The following PDE4D variants were observed in gnomAD, a reference collection of about 807,000 sequenced individuals.
The protein encoded by PDE4D is phosphodiesterase 4D.
Under a neutral mutation model 87.4 loss-of-function variants are expected in PDE4D, and 24 were observed. That is an observed-to-expected ratio of 0.27 (90% CI 0.20 to 0.39). The LOEUF (loss-of-function observed/expected upper bound fraction) is 0.39. Ranked by LOEUF, PDE4D falls within the 10% of genes least tolerant of loss-of-function variation. PDE4D has a pLI of 1.00. For synonymous variants in PDE4D, 384 were observed against 383.2 expected (o/e 1.00, Z -0.02); for missense variants, 714 against 1,041.0 (o/e 0.69, Z 4.32).
chr5:59,931,505 G>C (rs1039973992), intron 3 of PDE4D, among the ~76,000 whole-genome samples: 1 of 151,978 alleles, frequency 6.6e-6, no homozygotes, highest in Non-Finnish European at 1.5e-5. Context: ...TCCAAAGTTG[G>C]CACAAGGTTT....
intron 1 of PDE4D, among the ~76,000 whole-genome samples, chr5:60,319,943 G>A (rs59288503): frequency 0.053 from 8,133 of 152,266 alleles, 726 homozygotes; most frequent in African/African-American, 0.19. Flanking sequence ...ACCCAGTTGC[G>A]GAGGCAGTCT....
rs951940091 is a variant in PDE4D at position 59,497,616 on chromosome 5, T to A, written c.456-281648A>T. ...AGGGCTCGAAGACTAGCTTTCTGAA[T>A]CAACCCAGGCAGGCAAAAATAAAGA... On this transcript the variant is annotated intron_variant, in intron 1 of 14. Transcript: ENST00000340635. Among the ~76,000 whole-genome samples the A allele has an allele frequency of 2.0e-5, 3 of 151,926 alleles. No individual in the cohort carries two copies. In the South Asian group the frequency reaches 6.2e-4, roughly 31 times the overall value.
chr5:59,648,321 A>G (rs1256439160), intron 1 of PDE4D, among the ~76,000 whole-genome samples: 6 of 152,198 alleles, frequency 3.9e-5, no homozygotes, highest in Admixed American at 3.9e-4. Context: ...TAAAAATACT[A>G]TTCAGTGACA....
At chr5:59,551,333 T>C in intron 1 of PDE4D, among the ~76,000 whole-genome samples, 1 of 149,932 alleles carries the variant, frequency 6.7e-6, no homozygotes, top group Admixed American at 6.7e-5. Context: ...TAATAAAATA[T>C]ATATCCAATG....
In PDE4D at chr5:59,427,728, G is replaced by A. The variant is rs562320964; in HGVS notation, c.456-211760C>T. On this transcript the variant is annotated intron_variant, in intron 1 of 14. Transcript: ENST00000340635. ...GACCTCAACTACTTGGTAAGCTGAAGTGGATCATTTGAGCCCAGGAGTTCT... is the reference window on the plus strand; with the variant it reads ...GACCTCAACTACTTGGTAAGCTGAAATGGATCATTTGAGCCCAGGAGTTCT... Among the ~76,000 whole-genome samples the A allele has an allele frequency of 6.6e-5, 10 of 151,304 alleles. No individual in the cohort carries two copies. The East Asian group carries it at 1.9e-3, about 29-fold the overall frequency.
intron 1 of PDE4D, among the ~76,000 whole-genome samples, chr5:59,875,460 C>CAAAAAAAAAAAAAAAAAAAAA (rs3062667): frequency 2.5e-5 from 1 of 39,688 alleles, no homozygotes; most frequent in African/African-American, 1.0e-4. Flanking sequence ...ACCTCCGTCT[C>CAAAAAAAAAAAAAAAAAAAAA]AAAAAAAAAA....
chr5:59,318,372 C>A (rs1320355218), intron 1 of PDE4D, among the ~76,000 whole-genome samples: 1 of 152,038 alleles, frequency 6.6e-6, no homozygotes, highest in Non-Finnish European at 1.5e-5. Context: ...AGGGACAAAT[C>A]CCTATTAAAT....
rs1373371971 is a variant in PDE4D at position 59,615,021 on chromosome 5, G to A, written c.455+278147C>T. ...ATTTTTGTATTTTTTGTAGAGACAG[G>A]GTTTTGCCATGTTGCTCAGGCTGGT... On this transcript the variant is annotated intron_variant, in intron 1 of 14. Coordinates refer to ENST00000340635, the MANE Select transcript of PDE4D (RefSeq NM_001104631.2). 2.0e-5 allele frequency among the ~76,000 whole-genome samples: 3 copies of A among 151,898 alleles called. No individual in the cohort carries two copies. In the East Asian group the frequency reaches 5.8e-4, roughly 29 times the overall value.
intron 1 of PDE4D, among the ~76,000 whole-genome samples, chr5:60,195,803 AG>A (rs1236807645): frequency 1.3e-5 from 2 of 151,746 alleles, no homozygotes; most frequent in Non-Finnish European, 2.9e-5. Flanking sequence ...ATGGCTTCAA[AG>A]CCTGTTCCGA....
chr5:59,461,481 G>A (rs532570388), intron 1 of PDE4D, among the ~76,000 whole-genome samples: 1 of 152,204 alleles, frequency 6.6e-6, no homozygotes, highest in African/African-American at 2.4e-5. Context: ...ATAAAACACA[G>A]TCATTTGGTA....
intron 5 of PDE4D, among the ~76,000 whole-genome samples, chr5:59,105,528 C>T (rs1771449787): frequency 6.6e-6 from 1 of 152,092 alleles, no homozygotes; most frequent in Non-Finnish European, 1.5e-5. Context: ...ACCCACTCCC[C>T]TTACCCCTTA....
At chr5:60,037,025 T>C (rs1767886180) in intron 2 of PDE4D, among the ~76,000 whole-genome samples, 1 of 152,180 alleles carries the variant, frequency 6.6e-6, no homozygotes, top group South Asian at 2.1e-4. Flanking sequence ...CATTGTGATA[T>C]GTCAGCAGAG....
intron 1 of PDE4D, among the ~76,000 whole-genome samples, chr5:60,379,360 A>T (rs147363058): frequency 3.6e-4 from 55 of 152,278 alleles, no homozygotes; most frequent in Non-Finnish European, 5.9e-4. Context: ...TATTTCCGGT[A>T]TATTTTTAGC....
chr5:59,375,562 A>G (rs1784570523), intron 1 of PDE4D, among the ~76,000 whole-genome samples: 1 of 152,174 alleles, frequency 6.6e-6, no homozygotes, highest in Non-Finnish European at 1.5e-5. Flanking sequence ...TACCAACCAA[A>G]AAAACCCCAG....
At chr5:59,670,108 T>C (rs1333044412) in intron 1 of PDE4D, among the ~76,000 whole-genome samples, 1 of 152,192 alleles carries the variant, frequency 6.6e-6, no homozygotes, top group Non-Finnish European at 1.5e-5. Context: ...CATAGCATTA[T>C]GGTAGAGTAC....
At chr5:59,438,165 C>T (rs1386140620) in intron 1 of PDE4D, among the ~76,000 whole-genome samples, 2 of 152,088 alleles carry the variant, frequency 1.3e-5, no homozygotes, top group African/African-American at 4.8e-5. Context: ...TAGAAATGAA[C>T]TATAATTCAA....
rs294475 is a variant in PDE4D, at chr5:59,461,329, T to C, written c.456-245361A>G. Among the ~76,000 whole-genome samples, 72 of 152,290 alleles carry C rather than the reference T, an allele frequency of 4.7e-4. 1 individual carries two copies. In the East Asian group the frequency reaches 0.013, roughly 28 times the overall value. On this transcript the variant is annotated intron_variant, in intron 1 of 14. Coordinates refer to ENST00000340635, the MANE Select transcript of PDE4D (RefSeq NM_001104631.2). ...GAGAGAAGCGAAGATTATAAACATC[T>C]AAGTTATATTTCTGTAGTGTTTGGA...
At chr5:59,278,761 T>C (rs1284256628) in intron 1 of PDE4D, among the ~76,000 whole-genome samples, 1 of 152,086 alleles carries the variant, frequency 6.6e-6, no homozygotes. Context: ...AAATATAAGA[T>C]ATATTAATAG....
chr5:59,668,901 AAGAAGAAGAAGAAGAAG>A lies in PDE4D; in HGVS notation c.455+224250_455+224266del, dbSNP rs1477713372. Among the ~76,000 whole-genome samples the A allele has an allele frequency of 7.9e-4, 61 of 76,866 alleles. No homozygotes were observed. In the East Asian group the frequency reaches 0.061, roughly 76 times the overall value. 50.4% of individuals were successfully genotyped at this position (76,866 alleles called of 152,430 possible). ...GAAGAAGAAGAAGAAGAAGAAGAAGAAGAAGAAGAAGAAGAAGAAGAAAGAAAGAAAGAATTAGTTCA... is the reference window on the plus strand; with the variant it reads ...GAAGAAGAAGAAGAAGAAGAAGAAGAAAGAAAGAAAGAAAGAATTAGTTCA... On this transcript the variant is annotated intron_variant, in intron 1 of 14. Coordinates refer to ENST00000340635, the MANE Select transcript of PDE4D (RefSeq NM_001104631.2).
Sources: allele counts gnomAD v4.1 joint callset (sites outside exome capture counted in the v4.1 genomes callset), GRCh38; gene constraint gnomAD v4.1.1; transcripts MANE v1.5; gene names NCBI Gene and HGNC (gene_info 2026-07-23, HGNC 2026-07-21).